Variants in MGME1 observed in about 807,000 individuals in gnomAD.
The protein encoded by MGME1 is chromosome 20 open reading frame 72.
MGME1 carries 22 observed loss-of-function variants against 33.0 expected under a neutral mutation model. That is an observed-to-expected ratio of 0.67 (90% confidence interval 0.48 to 0.95). MGME1 has a LOEUF of 0.95. MGME1 is among the 40% of genes least tolerant of loss of function. The pLI is 0.00. For synonymous variants in MGME1, 133 were observed against 144.0 expected (o/e 0.92, Z 0.55); for missense variants, 383 against 397.8 (o/e 0.96, Z 0.32).
intron 3 of MGME1, among the ~76,000 whole-genome samples, chr20:17,987,556 T>C (rs546691030): frequency 6.9e-4 from 104 of 151,790 alleles, no homozygotes; most frequent in African/African-American, 2.4e-3. Context: ...TCAGCTGTAT[T>C]TTTTTTTTCT....
rs117345580 is a variant in MGME1, at chr20:17,973,719, G to A, written c.512-1965G>A. On this transcript the variant is annotated intron_variant, in intron 2 of 4. Coordinates refer to ENST00000377710, the MANE Select transcript of MGME1 (RefSeq NM_052865.4). ...CTCTCTGCAAGCATGTTCCAAGCAC[G>A]TGTATTTCCTGCTCTGTTTCTCTGA... Among the ~76,000 whole-genome samples, 621 of 152,020 alleles carry A rather than the reference G, an allele frequency of 4.1e-3. 21 individuals carry two copies. In the East Asian group the frequency reaches 0.073, roughly 18 times the overall value.
intron 1 of MGME1, 142 bp from the exon 2 acceptor site, chr20:17,969,659 A>T (rs1344155945): frequency 5.6e-6 from 3 of 533,008 alleles, no homozygotes; most frequent in Non-Finnish European, 6.5e-6. Context: ...TTATTTATAA[A>T]TTTTTTTTGG....
At chr20:17,976,061 G>A (rs2035859283) in intron 3 of MGME1, among the ~76,000 whole-genome samples, 158 bp downstream of exon 3, 1 of 152,170 alleles carries the variant, frequency 6.6e-6, no homozygotes, top group African/African-American at 2.4e-5. Context: ...GGTACAAGGA[G>A]AAGAGCCACG....
intron 2 of MGME1, chr20:17,972,678 C>G: frequency 1.0e-6 from 1 of 985,184 alleles, no homozygotes; most frequent in Non-Finnish European, 1.2e-6. Context: ...TGTTCTGAGC[C>G]TTAGTGTCTA....
intron 2 of MGME1, among the ~76,000 whole-genome samples, chr20:17,973,817 C>G (rs577626108): frequency 6.6e-6 from 1 of 152,188 alleles, no homozygotes; most frequent in Non-Finnish European, 1.5e-5. Context: ...GATTCTGGTG[C>G]CAGGCTGCCT....
intron 3 of MGME1, among the ~76,000 whole-genome samples, chr20:17,982,907 T>G (rs2036059627): frequency 6.6e-6 from 1 of 152,236 alleles, no homozygotes; most frequent in African/African-American, 2.4e-5. Flanking sequence ...TTTTTGGTGG[T>G]GAGAATCTTT....
intron 3 of MGME1, among the ~76,000 whole-genome samples, chr20:17,987,461 T>C (rs1413107002): frequency 6.6e-6 from 1 of 152,178 alleles, no homozygotes; most frequent in African/African-American, 2.4e-5. Context: ...AAAAAAGACG[T>C]AAAATATCCC....
At chr20:17,984,588 A>G (rs938166421) in intron 3 of MGME1, among the ~76,000 whole-genome samples, 1 of 152,232 alleles carries the variant, frequency 6.6e-6, no homozygotes, top group African/African-American at 2.4e-5. Context: ...TAACCAGCTT[A>G]TAAACAACTA....
Position 17,990,399 on chromosome 20 carries a change from T to G in MGME1, c.*290T>G. 2.9e-5 allele frequency: 3 copies of G among 102,050 alleles called. No homozygotes were observed. The highest frequency in any genetic ancestry group is 1.1e-4 in the Admixed American group (1 of 8,952). The allele number at this position is 102,050 out of a possible 1,614,324, so 6.3% of individuals were successfully genotyped here. On this transcript the variant is annotated 3_prime_UTR_variant, in exon 5 of 5. Transcript: ENST00000377710. ...TCATGCTGGTGACTCTTGTACTCCC[T>G]TGAGGGACATTGGGGGGGGGGGGGC...
At chr20:17,970,941 G>C in intron 2 of MGME1, among the ~76,000 whole-genome samples, 1 of 152,318 alleles carries the variant, frequency 6.6e-6, no homozygotes, top group East Asian at 1.9e-4. Flanking sequence ...GAGGAGAATA[G>C]CTTCCTTAAA....
chr20:17,990,309 G>T lies in MGME1; in HGVS notation c.*200G>T, dbSNP rs1179315299. 3.4e-6 allele frequency: 2 copies of T among 584,350 alleles called. No individual in the cohort carries two copies. The highest frequency in any genetic ancestry group is 3.0e-5 in the Admixed American group (1 of 32,902). The allele number at this position is 584,350 out of a possible 1,614,324, so 36.2% of individuals were successfully genotyped here. A position where few individuals can be genotyped will look rare whatever the true frequency, so the allele number is the denominator to read the frequency against. Reference sequence around the variant, plus strand: ...GTCTAGATATAAAGACCTAGACTTCGGCACGCGAAATCCCAGCTATGCTAC... The same window carrying T: ...GTCTAGATATAAAGACCTAGACTTCTGCACGCGAAATCCCAGCTATGCTAC... On this transcript the variant is annotated 3_prime_UTR_variant, in exon 5 of 5. Transcript: ENST00000377710.
At chr20:17,989,670 GA>G in intron 4 of MGME1, among the ~76,000 whole-genome samples, 1 of 144,428 alleles carries the variant, frequency 6.9e-6, no homozygotes, top group East Asian at 2.0e-4. Flanking sequence ...TCTCAAAAAA[GA>G]AAAAAAAAGC....
intron 3 of MGME1, among the ~76,000 whole-genome samples, chr20:17,987,390 A>G (rs1235665880): frequency 1.3e-5 from 2 of 152,218 alleles, no homozygotes; most frequent in African/African-American, 2.4e-5. Context: ...TGCTATAGCA[A>G]TATACAAACT....
intron 3 of MGME1, among the ~76,000 whole-genome samples, chr20:17,978,100 C>G (rs531746201): frequency 4.6e-5 from 7 of 152,208 alleles, no homozygotes; most frequent in African/African-American, 1.2e-4. Context: ...AGTTCATCAG[C>G]TATTGTGTGG....
chr20:17,975,927 T>G (rs569850951), intron 3 of MGME1, 24 bp downstream of exon 3: 2 of 1,561,882 alleles, frequency 1.3e-6, no homozygotes, highest in Non-Finnish European at 1.8e-6. Context: ...TGGAGGTGAA[T>G]TAATACAGCG....
chr20:17,982,442 T>C (rs1056413043), intron 3 of MGME1, among the ~76,000 whole-genome samples: 2 of 152,210 alleles, frequency 1.3e-5, no homozygotes, highest in African/African-American at 4.8e-5. Flanking sequence ...ACGTGTGATA[T>C]ATGCAGTTAC....
intron 3 of MGME1, among the ~76,000 whole-genome samples, chr20:17,979,488 T>C (rs1225357551): frequency 6.6e-6 from 1 of 151,902 alleles, no homozygotes; most frequent in African/African-American, 2.4e-5. Context: ...CTCGGCTCAC[T>C]GCACGCTCCG....
intron 3 of MGME1, among the ~76,000 whole-genome samples, chr20:17,981,224 A>C (rs2036010968): frequency 6.6e-6 from 1 of 152,198 alleles, no homozygotes; most frequent in Non-Finnish European, 1.5e-5. Context: ...GTATGATTTC[A>C]TGCAGAACTG....
chr20:17,983,266 A>G (rs1050199864), intron 3 of MGME1, among the ~76,000 whole-genome samples: 15 of 116,230 alleles, frequency 1.3e-4, no homozygotes, highest in African/African-American at 5.1e-4. Flanking sequence ...GTAGTGTTCT[A>G]TTGTGTGTGT....
Sources: allele counts gnomAD v4.1 joint callset (sites outside exome capture counted in the v4.1 genomes callset), GRCh38; gene constraint gnomAD v4.1.1; transcripts MANE v1.5; gene names NCBI Gene and HGNC (gene_info 2026-07-23, HGNC 2026-07-21).